SEMA6D: variants seen among roughly 807,000 people sequenced by gnomAD.
SEMA6D encodes semaphorin 6D, also known as semaphorin-6D.
In SEMA6D, 35 loss-of-function variants were observed where a neutral mutation model predicts 106.6. The observed-to-expected ratio is 0.33, with a 90% CI of 0.25 to 0.44. SEMA6D has a LOEUF of 0.44. Ranked by LOEUF, SEMA6D falls within the 20% of genes least tolerant of loss-of-function variation. The probability of loss-of-function intolerance (pLI) is 1.00; values close to 1 mark genes in which losing one functional copy is unlikely to be tolerated. For synonymous variants in SEMA6D, 499 were observed against 487.7 expected (o/e 1.02, Z -0.31); for missense variants, 1,185 against 1,345.9 (o/e 0.88, Z 1.87).
intron 3 of SEMA6D, among the ~76,000 whole-genome samples, chr15:47,514,383 G>T (rs1332304511): frequency 6.6e-6 from 1 of 152,072 alleles, no homozygotes. Flanking sequence ...CTCCAGTTCA[G>T]CTCTCTCTTC....
intron 1 of SEMA6D, among the ~76,000 whole-genome samples, chr15:47,303,888 T>C (rs765548167): frequency 9.2e-5 from 14 of 152,132 alleles, no homozygotes; most frequent in Non-Finnish European, 1.9e-4. Context: ...AGATTAGATT[T>C]TGCTGCCTCT....
At chr15:47,766,237 A>T in intron 15 of SEMA6D, 55 bp downstream of exon 15, 1 of 1,483,160 alleles carries the variant, frequency 6.7e-7, no homozygotes, top group East Asian at 2.3e-5. Context: ...AGGGTCTCTA[A>T]AGCTAGAAAT....
rs527288495 is a variant in SEMA6D, at chr15:47,619,683, G to T, written c.-55+18787G>T. On this transcript the variant is annotated intron_variant, in intron 4 of 19. Coordinates refer to the SEMA6D transcript ENST00000558014. ...TTTTAACAAGCCATCATGGTGATTT[G>T]GTTTGCTCGCTAAAGTCTGAGAATC... Among the ~76,000 whole-genome samples, 2 of 152,238 alleles carry T rather than the reference G, an allele frequency of 1.3e-5. 1 individual carries two copies. The highest frequency in any genetic ancestry group is 6.8e-3 in the Middle Eastern group (2 of 294).
chr15:47,342,644 A>G (rs2037867311), intron 1 of SEMA6D, among the ~76,000 whole-genome samples: 1 of 152,232 alleles, frequency 6.6e-6, no homozygotes, highest in South Asian at 2.1e-4. Context: ...ATCTTAGTGC[A>G]GTGATTACTA....
chr15:47,329,088 A>G (rs1052650993), intron 1 of SEMA6D, among the ~76,000 whole-genome samples: 5 of 152,196 alleles, frequency 3.3e-5, no homozygotes, highest in African/African-American at 1.2e-4. Flanking sequence ...TGTGCCTGAC[A>G]TGGTTCTTGG....
intron 2 of SEMA6D, among the ~76,000 whole-genome samples, chr15:47,418,052 T>G (rs1260710748): frequency 6.6e-6 from 1 of 152,044 alleles, no homozygotes; most frequent in African/African-American, 2.4e-5. Flanking sequence ...TATATAGATG[T>G]GTGCAAAAAG....
At position 47,494,125 on chromosome 15, in the gene SEMA6D, C is replaced by T. The variant is rs1042862443; in HGVS notation, c.-87+23580C>T. Among the ~76,000 whole-genome samples, 8 of 152,224 alleles carry T rather than the reference C, an allele frequency of 5.3e-5. No homozygotes were observed. In the South Asian group the frequency reaches 1.7e-3, roughly 32 times the overall value. On this transcript the variant is annotated intron_variant, in intron 3 of 19. Transcript: ENST00000558014. ...CAAGTGCTTGCTGGTTCACGCCTGT[C>T]TACAGTCAACAGTGTGTACTACCAG...
chr15:47,552,945 C>A (rs1310268702), intron 3 of SEMA6D, among the ~76,000 whole-genome samples: 1 of 120,962 alleles, frequency 8.3e-6, no homozygotes, highest in African/African-American at 3.0e-5. Flanking sequence ...ACTCTGTCAC[C>A]CAGGCTGGAG....
At chr15:47,451,783 G>C (rs2042200534) in intron 2 of SEMA6D, among the ~76,000 whole-genome samples, 1 of 151,992 alleles carries the variant, frequency 6.6e-6, no homozygotes. Flanking sequence ...GGTCGTGTGA[G>C]GCCAAGAGTG....
intron 2 of SEMA6D, among the ~76,000 whole-genome samples, chr15:47,444,360 A>G (rs1484248260): frequency 6.6e-6 from 1 of 152,134 alleles, no homozygotes; most frequent in Non-Finnish European, 1.5e-5. Flanking sequence ...GGGATATTTT[A>G]AGCCTGAAAT....
At chr15:47,354,197 CTCTATATATA>C (rs1302106540) in intron 1 of SEMA6D, among the ~76,000 whole-genome samples, 16 of 36,748 alleles carry the variant, frequency 4.4e-4, no homozygotes, top group African/African-American at 1.2e-3. Context: ...CTCTCTCTCT[CTCTATATATA>C]TATATATATA....
chr15:47,472,412 C>T (rs1326583595), intron 3 of SEMA6D, among the ~76,000 whole-genome samples: 1 of 152,134 alleles, frequency 6.6e-6, no homozygotes, highest in Non-Finnish European at 1.5e-5. Context: ...CTTTCCAAAT[C>T]ACAAGAGCAG....
chr15:47,687,066 C>CAAAAAAAAAA (rs369941348), intron 4 of SEMA6D, among the ~76,000 whole-genome samples: 1 of 121,036 alleles, frequency 8.3e-6, no homozygotes, highest in Admixed American at 8.5e-5. Context: ...ACCCTGTATC[C>CAAAAAAAAAA]AAAAAAAAAA....
intron 3 of SEMA6D, among the ~76,000 whole-genome samples, chr15:47,537,487 G>A (rs971603954): frequency 6.6e-6 from 1 of 152,182 alleles, no homozygotes; most frequent in Non-Finnish European, 1.5e-5. Context: ...GTTAGGCAGA[G>A]TTTAGATTAG....
At chr15:47,362,265 G>A (rs944896534) in intron 1 of SEMA6D, among the ~76,000 whole-genome samples, 7 of 152,166 alleles carry the variant, frequency 4.6e-5, no homozygotes, top group African/African-American at 1.7e-4. Context: ...CCTTGGTGAA[G>A]CTCTGTGAGA....
At chr15:47,205,981 T>G (rs1012457026) in intron 1 of SEMA6D, among the ~76,000 whole-genome samples, 3 of 152,172 alleles carry the variant, frequency 2.0e-5, no homozygotes, top group Admixed American at 6.5e-5. Context: ...TTTAATGTCA[T>G]CAATAGATAA....
At chr15:47,672,577 ATTTAT>A (rs1219447116) in intron 4 of SEMA6D, among the ~76,000 whole-genome samples, 1 of 152,148 alleles carries the variant, frequency 6.6e-6, no homozygotes, top group African/African-American at 2.4e-5. Flanking sequence ...TACTGGTGTA[ATTTAT>A]TCTGTCACCA....
chr15:47,687,433 G>A (rs900425520), intron 4 of SEMA6D, among the ~76,000 whole-genome samples: 14 of 152,082 alleles, frequency 9.2e-5, no homozygotes, highest in African/African-American at 1.7e-4. Context: ...AAGAAGCAAC[G>A]TTTAGGCTGG....
chr15:47,587,927 G>A (rs544767453), intron 3 of SEMA6D, among the ~76,000 whole-genome samples: 10 of 152,120 alleles, frequency 6.6e-5, no homozygotes, highest in Admixed American at 3.9e-4. Context: ...AGTTGAGATG[G>A]CAACATTGAT....
Sources: allele counts gnomAD v4.1 joint callset (sites outside exome capture counted in the v4.1 genomes callset), GRCh38; gene constraint gnomAD v4.1.1; transcripts MANE v1.5; gene names NCBI Gene and HGNC (gene_info 2026-07-23, HGNC 2026-07-21).